The following GPA33 variants were observed in gnomAD, a reference collection of about 807,000 sequenced individuals.
GPA33 encodes the protein cell surface A33 antigen.
In GPA33, 27 loss-of-function variants were observed where a neutral mutation model predicts 35.6. The observed-to-expected ratio is 0.76, with a 90% CI of 0.56 to 1.04. GPA33 has a LOEUF of 1.04. Ranked by LOEUF, GPA33 falls within the 50% of genes least tolerant of loss-of-function variation. The probability of loss-of-function intolerance (pLI) is 0.00; values close to 1 mark genes in which losing one functional copy is unlikely to be tolerated. For synonymous variants in GPA33, 176 were observed against 164.0 expected, an observed-to-expected ratio of 1.07 and a Z score of -0.56; for missense variants, 428 against 411.9, an observed-to-expected ratio of 1.04 and a Z score of -0.34.
At chr1:167,079,076 A>G (rs2102198170) in intron 1 of GPA33, among the ~76,000 whole-genome samples, 1 of 152,338 alleles carries the variant, frequency 6.6e-6, no homozygotes, top group South Asian at 2.1e-4. Context: ...AGTAATTGCT[A>G]ATGATTATAA....
intron 4 of GPA33, among the ~76,000 whole-genome samples, chr1:167,062,997 C>A (rs1038546397): frequency 6.6e-6 from 1 of 152,196 alleles, no homozygotes; most frequent in Non-Finnish European, 1.5e-5. Flanking sequence ...GAGTGCTTAT[C>A]AGGGCACGTT....
chr1:167,063,448 G>A, intron 4 of GPA33, 134 bp downstream of exon 4: 1 of 698,378 alleles, frequency 1.4e-6, no homozygotes, highest in East Asian at 2.6e-5. Flanking sequence ...GGGGATAGGG[G>A]GATAGGGATG....
At chr1:167,078,006 G>A (rs2102197003) in intron 1 of GPA33, among the ~76,000 whole-genome samples, 1 of 152,326 alleles carries the variant, frequency 6.6e-6, no homozygotes, top group Non-Finnish European at 1.5e-5. Context: ...TTCAGATAGA[G>A]GCAGCCCTGG....
intron 4 of GPA33, among the ~76,000 whole-genome samples, chr1:167,062,639 G>C (rs1666482447): frequency 1.0e-5 from 1 of 96,558 alleles, no homozygotes; most frequent in Non-Finnish European, 2.3e-5. Context: ...TTTTTATATA[G>C]CTCTTTCTTT....
rs569406623 is a variant in GPA33, at chr1:167,055,565, G to C, written c.691+165C>G. On this transcript the variant is annotated intron_variant, in intron 5 of 6. Transcript: ENST00000367868. ...CTGGACTGGCCTCAGAGTGAGGGGAGCCTGGGACAGAGTCATCCTGCCTAG... is the reference window on the plus strand; with the variant it reads ...CTGGACTGGCCTCAGAGTGAGGGGACCCTGGGACAGAGTCATCCTGCCTAG... Among the ~76,000 whole-genome samples, 24 of 152,180 alleles carry C rather than the reference G, an allele frequency of 1.6e-4. No homozygotes were observed. The South Asian group carries it at 4.8e-3, about 30-fold the overall frequency.
At chr1:167,082,992 G>A (rs1025453773) in intron 1 of GPA33, among the ~76,000 whole-genome samples, 6 of 152,146 alleles carry the variant, frequency 3.9e-5, no homozygotes, top group Admixed American at 1.3e-4. Flanking sequence ...GCCCCACAGA[G>A]CAGGCAGAGA....
intron 1 of GPA33, among the ~76,000 whole-genome samples, chr1:167,079,955 C>G (rs1238391236): frequency 1.3e-5 from 2 of 152,128 alleles, no homozygotes; most frequent in African/African-American, 4.8e-5. Flanking sequence ...TGAATGAGAC[C>G]AAAGCACCAG....
chr1:167,072,746 A>C (rs1486365767), intron 2 of GPA33, among the ~76,000 whole-genome samples: 1 of 152,200 alleles, frequency 6.6e-6, no homozygotes, highest in Non-Finnish European at 1.5e-5. Context: ...CCCAAGATGT[A>C]TTAAGAGTCG....
At chr1:167,069,276 C>T (rs1289714856) in intron 2 of GPA33, 138 bp from the exon 3 acceptor site, 5 of 588,244 alleles carry the variant, frequency 8.5e-6, no homozygotes, top group East Asian at 8.4e-5. Flanking sequence ...ACAAATAGCT[C>T]GCATATGTGC....
intron 1 of GPA33, among the ~76,000 whole-genome samples, chr1:167,088,553 G>A (rs1667098863): frequency 6.6e-6 from 1 of 152,134 alleles, no homozygotes; most frequent in South Asian, 2.1e-4. Context: ...CTTCATCAGT[G>A]TGTCTGAAAA....
At chr1:167,083,562 T>A (rs185744901) in intron 1 of GPA33, among the ~76,000 whole-genome samples, 1 of 152,374 alleles carries the variant, frequency 6.6e-6, no homozygotes, top group Admixed American at 6.5e-5. Context: ...CGGCGTTCAC[T>A]GTTCCAGGGA....
Position 167,054,178 on chromosome 1 carries a change from A to T in GPA33, c.*156T>A. 1 of 970,018 alleles carries T rather than the reference A, an allele frequency of 1.0e-6. No individual in the cohort carries two copies. The highest frequency in any genetic ancestry group is 1.5e-6 in the Non-Finnish European group (1 of 653,516). The allele number at this position is 970,018 out of a possible 1,614,324, so 60.1% of individuals were successfully genotyped here. A position where few individuals can be genotyped will look rare whatever the true frequency, so the allele number is the denominator to read the frequency against. On this transcript the variant is annotated 3_prime_UTR_variant, in exon 7 of 7. Coordinates refer to ENST00000367868, the MANE Select transcript of GPA33 (RefSeq NM_005814.3). ...AGCACAGGGACCCCCTTACCAGGCCAGCCATGTTCCCCACAGCTGACACTG... is the reference window on the plus strand; with the variant it reads ...AGCACAGGGACCCCCTTACCAGGCCTGCCATGTTCCCCACAGCTGACACTG...
chr1:167,089,551 A>ATGT (rs1485588624), intron 1 of GPA33, among the ~76,000 whole-genome samples: 21 of 152,212 alleles, frequency 1.4e-4, no homozygotes, highest in African/African-American at 5.1e-4. Context: ...TTTCATTCTA[A>ATGT]CCCTTAGACA....
intron 3 of GPA33, among the ~76,000 whole-genome samples, chr1:167,064,069 C>A (rs1194528512): frequency 6.6e-6 from 1 of 151,812 alleles, no homozygotes; most frequent in Non-Finnish European, 1.5e-5. Flanking sequence ...AGATGGGGTT[C>A]GAGATGAGTT....
intron 1 of GPA33, among the ~76,000 whole-genome samples, chr1:167,077,999 A>G (rs530625327): frequency 2.0e-5 from 3 of 152,358 alleles, no homozygotes; most frequent in African/African-American, 7.2e-5. Context: ...CAAGTCCTTC[A>G]GATAGAGGCA....
intron 1 of GPA33, among the ~76,000 whole-genome samples, chr1:167,074,128 A>T (rs567809068): frequency 6.6e-6 from 1 of 150,874 alleles, no homozygotes; most frequent in South Asian, 2.1e-4. Context: ...AAGGTTAGGA[A>T]AAAGAATGTG....
At position 167,055,004 on chromosome 1, in the gene GPA33, TGTC is replaced by T. The variant is rs773460511; in HGVS notation, c.796_798del (p.Asp266del). 3.0e-5 allele frequency: 48 copies of T among 1,614,090 alleles called. No homozygotes were observed. In the South Asian group the frequency reaches 4.2e-4, roughly 14 times the overall value. On this transcript the variant is annotated inframe_deletion, in exon 6 of 7. Transcript: ENST00000367868. The stretch of plus-strand genomic sequence containing the variant: ...CTTGCATCCTCCTTGTCTTCAGTGT[TGTC>T]GTCCTTCCCTCGGCAGCAGCAGCAG...
Position 167,073,630 on chromosome 1 carries a change from A to G in GPA33, c.44-91T>C, listed in dbSNP as rs377136649. ...CCACAGGACCACTGAGGGAATGTCC[A>G]GGGCTGTTCTTGCACCTCCAGCCAC... On this transcript the variant is annotated intron_variant, in intron 1 of 6. Transcript: ENST00000367868. 1.1e-4 allele frequency: 125 copies of G among 1,171,130 alleles called. 4 individuals are homozygous for G. The highest frequency in any genetic ancestry group is 7.1e-4 in the East Asian group (28 of 39,204). 72.5% of individuals were successfully genotyped at this position (1,171,130 alleles called of 1,614,324 possible). A position where few individuals can be genotyped will look rare whatever the true frequency, so the allele number is the denominator to read the frequency against.
At chr1:167,059,693 C>T (rs1383432797) in intron 4 of GPA33, among the ~76,000 whole-genome samples, 1 of 152,162 alleles carries the variant, frequency 6.6e-6, no homozygotes, top group African/African-American at 2.4e-5. Flanking sequence ...TGGGACACAG[C>T]TTACAAAGTC....
Sources: allele counts gnomAD v4.1 joint callset (sites outside exome capture counted in the v4.1 genomes callset), GRCh38; gene constraint gnomAD v4.1.1; transcripts MANE v1.5; gene names NCBI Gene and HGNC (gene_info 2026-07-23, HGNC 2026-07-21).